PCSK5: variants seen among roughly 807,000 people sequenced by gnomAD.
The protein encoded by PCSK5 is prohormone convertase 5.
A neutral mutation model predicts 233.2 loss-of-function variants in PCSK5; 129 were observed. That is an observed-to-expected ratio of 0.55 (90% CI 0.48 to 0.64). The LOEUF is 0.64. Ranked by LOEUF, PCSK5 falls within the 30% of genes least tolerant of loss-of-function variation. PCSK5 has a pLI of 0.00. For synonymous variants in PCSK5, 825 were observed against 879.2 expected (o/e 0.94, Z 1.09); for missense variants, 2,076 against 2,430.1 (o/e 0.85, Z 3.06).
intron 1 of PCSK5, among the ~76,000 whole-genome samples, chr9:75,902,882 T>A (rs1222873625): frequency 1.3e-5 from 2 of 152,180 alleles, no homozygotes; most frequent in African/African-American, 2.4e-5. Flanking sequence ...TCAACTCCCA[T>A]ATTTGGTTTA....
chr9:76,324,071 G>A (rs1402248465), intron 32 of PCSK5, among the ~76,000 whole-genome samples: 3 of 151,948 alleles, frequency 2.0e-5, no homozygotes, highest in African/African-American at 4.8e-5. Flanking sequence ...GACTACAGGC[G>A]TGTGCCACCA....
At position 76,325,954 on chromosome 9, in the gene PCSK5, C is replaced by T. The variant is rs141357972; in HGVS notation, c.4340-2055C>T. ...GCCCGGCCGCCATTGCACTTTCTAC[C>T]AGACCAAAGGGAGGGGAAGGAATGT... On this transcript the variant is annotated intron_variant, in intron 32 of 37. Transcript: ENST00000674117. 5.4e-3 allele frequency among the ~76,000 whole-genome samples: 826 copies of T among 152,186 alleles called. 4 individuals carry two copies. Among genetic ancestry groups the T allele is most frequent in the African/African-American group, 0.019 (775 of 41,524 alleles).
At chr9:76,350,707 A>G (rs1830098206) in intron 35 of PCSK5, 121 bp from the exon 36 acceptor site, 2 of 674,702 alleles carry the variant, frequency 3.0e-6, no homozygotes, top group Non-Finnish European at 5.2e-6. Context: ...TCGTATCCTC[A>G]ATCAATTCAC....
At chr9:76,267,738 A>G (rs1384894118) in intron 24 of PCSK5, among the ~76,000 whole-genome samples, 3 of 152,142 alleles carry the variant, frequency 2.0e-5, no homozygotes, top group Non-Finnish European at 4.4e-5. Flanking sequence ...AACCATTTAG[A>G]TGAAGTATGA....
At chr9:75,968,855 CCTT>C (rs1164932048) in intron 2 of PCSK5, among the ~76,000 whole-genome samples, 1 of 152,150 alleles carries the variant, frequency 6.6e-6, no homozygotes, top group African/African-American at 2.4e-5. Flanking sequence ...CTTCGTGTGA[CCTT>C]CTTTATTATA....
upstream of PCSK5, among the ~76,000 whole-genome samples, chr9:75,890,427 A>T (rs1825526710): frequency 6.6e-6 from 1 of 151,998 alleles, no homozygotes; most frequent in Admixed American, 6.6e-5. Flanking sequence ...GCAGGGAGGG[A>T]AGAGAAGGGA....
At position 76,336,139 on chromosome 9, in the gene PCSK5, T is replaced by G. The variant is rs1013533163; in HGVS notation, c.4749-2091T>G. ...CTTACAGATTGACACATAGTAGTCA[T>G]TGTTCTTCACATAACTGCAAAAAGT... On this transcript the variant is annotated intron_variant, in intron 34 of 37. Coordinates refer to ENST00000674117, the MANE Select transcript of PCSK5 (RefSeq NM_001372043.1). Among the ~76,000 whole-genome samples, 3 of 152,192 alleles carry G rather than the reference T, an allele frequency of 2.0e-5. No homozygotes were observed. In the South Asian group the frequency reaches 6.2e-4, roughly 31 times the overall value.
intron 21 of PCSK5, among the ~76,000 whole-genome samples, chr9:76,228,235 C>A (rs883225): frequency 0.68 from 102,923 of 151,764 alleles, 35,723 homozygotes; most frequent in African/African-American, 0.8. Flanking sequence ...TGACCTCCTG[C>A]CCTCAGGTGA....
At chr9:76,063,135 TC>T (rs1173050012) in intron 5 of PCSK5, among the ~76,000 whole-genome samples, 2 of 149,376 alleles carry the variant, frequency 1.3e-5, no homozygotes, top group African/African-American at 2.6e-5. Context: ...AATTTTTTTT[TC>T]TTTTTTTTTT....
intron 23 of PCSK5, among the ~76,000 whole-genome samples, chr9:76,239,722 AAAGT>A (rs1826373214): frequency 6.6e-6 from 1 of 151,940 alleles, no homozygotes. Flanking sequence ...AAAAAAAAGA[AAAGT>A]AAGAAAGAAA....
chr9:76,146,528 G>GTATA lies in PCSK5; in HGVS notation c.1313-10507_1313-10504dup, dbSNP rs34514445. 4.7e-3 allele frequency among the ~76,000 whole-genome samples: 693 copies of GTATA among 148,632 alleles called. 2 individuals carry two copies. The highest frequency in any genetic ancestry group is 7.0e-3 in the Middle Eastern group (2 of 284). ...AATAAATATGTATATATACATGTAT[G>GTATA]TATATATATATATGTGTATATATAT... On this transcript the variant is annotated intron_variant, in intron 10 of 37. Transcript: ENST00000674117.
At chr9:76,329,179 C>T (rs1484908848) in intron 33 of PCSK5, among the ~76,000 whole-genome samples, 1 of 151,566 alleles carries the variant, frequency 6.6e-6, no homozygotes, top group African/African-American at 2.4e-5. Flanking sequence ...AGTACCCAGG[C>T]TGTTGGAGTG....
chr9:75,956,206 C>T (rs1645000415), intron 2 of PCSK5, among the ~76,000 whole-genome samples: 1 of 152,182 alleles, frequency 6.6e-6, no homozygotes, highest in South Asian at 2.1e-4. Flanking sequence ...AAGTTTTGGC[C>T]TTGGCATACT....
intron 7 of PCSK5, among the ~76,000 whole-genome samples, chr9:76,076,054 G>A (rs1215726317): frequency 6.6e-6 from 1 of 152,202 alleles, no homozygotes; most frequent in South Asian, 2.1e-4. Context: ...CTTAGTTAGG[G>A]AAGACAGAAC....
At chr9:76,062,158 C>A (rs948303139) in intron 5 of PCSK5, among the ~76,000 whole-genome samples, 1 of 151,804 alleles carries the variant, frequency 6.6e-6, no homozygotes, top group Admixed American at 6.6e-5. Context: ...TGAGGTGATA[C>A]AATTGCTTGA....
intron 24 of PCSK5, among the ~76,000 whole-genome samples, chr9:76,283,062 G>A (rs1827932721): frequency 6.6e-6 from 1 of 152,192 alleles, no homozygotes. Context: ...CAAGAAATTG[G>A]TTCTTATGGT....
chr9:76,009,751 G>C (rs1232938158), intron 3 of PCSK5, among the ~76,000 whole-genome samples: 1 of 152,126 alleles, frequency 6.6e-6, no homozygotes, highest in Non-Finnish European at 1.5e-5. Flanking sequence ...AAGCTAGATT[G>C]ATAGATACAT....
chr9:76,328,296 G>A (rs1437405123), intron 33 of PCSK5, 57 bp downstream of exon 33: 18 of 1,259,936 alleles, frequency 1.4e-5, no homozygotes, highest in Non-Finnish European at 2.0e-5. Flanking sequence ...AAACTGCCTT[G>A]CACACTGCCT....
At chr9:76,351,530 AAGGAAGGAAAGAAAG>A (rs1411022905) in intron 36 of PCSK5, among the ~76,000 whole-genome samples, 1 of 115,708 alleles carries the variant, frequency 8.6e-6, no homozygotes, top group Non-Finnish European at 1.9e-5. Context: ...GAAAGAAAGA[AAGGAAGGAAAGAAAG>A]AGAAAGAAGA....
Sources: gnomAD v4.1 joint callset for allele counts (sites outside exome capture counted in the v4.1 genomes callset) on GRCh38, gnomAD v4.1.1 for gene constraint, MANE v1.5 for transcripts, NCBI Gene and HGNC (gene_info 2026-07-23, HGNC 2026-07-21) for gene names.